The following CCPG1 variants were observed in gnomAD, a reference collection of about 807,000 sequenced individuals.
The protein encoded by CCPG1 is cell cycle progression protein 1.
Under a neutral mutation model 81.3 loss-of-function variants are expected in CCPG1, and 46 were observed. That is an observed-to-expected ratio of 0.57 (90% confidence interval 0.45 to 0.72). CCPG1 has a LOEUF of 0.72. Among genes scored for constraint, CCPG1 ranks in the 30% least tolerant of loss-of-function variants. The pLI is 0.00. For missense variants in CCPG1, 902 were observed against 937.6 expected (o/e 0.96, Z 0.50); for synonymous variants, 330 against 305.2 (o/e 1.08, Z -0.85).
intron 2 of CCPG1, among the ~76,000 whole-genome samples, chr15:55,388,858 C>A (rs2056856249): frequency 1.3e-5 from 2 of 151,468 alleles, no homozygotes. Context: ...ATCACGAGGT[C>A]AGGAGTTTAC....
At chr15:55,399,639 T>C (rs2057088926) in intron 1 of CCPG1, 1 of 151,936 alleles carries the variant, frequency 6.6e-6, no homozygotes, top group African/African-American at 2.4e-5. Context: ...TAAAAAAAGA[T>C]CCTTAAGAAG....
At chr15:55,397,274 C>T (rs901289954) in intron 1 of CCPG1, among the ~76,000 whole-genome samples, 1 of 150,804 alleles carries the variant, frequency 6.6e-6, no homozygotes, top group African/African-American at 2.4e-5. Context: ...GGCAAGGGGA[C>T]AGACTGAGTA....
chr15:55,361,118 G>GAA (rs148161688), intron 7 of CCPG1, among the ~76,000 whole-genome samples, 174 bp from the exon 8 acceptor site: 17,881 of 151,844 alleles, frequency 0.12, 1,591 homozygotes, highest in African/African-American at 0.24. Context: ...TCATATGCAA[G>GAA]AAAACGCAGA....
chr15:55,405,756 TC>T (rs200188211), intron 1 of CCPG1, among the ~76,000 whole-genome samples: 26,957 of 152,138 alleles, frequency 0.18, 4,119 homozygotes, highest in African/African-American at 0.42. Flanking sequence ...GTTATTTTCT[TC>T]GAGTCCAACT....
intron 3 of CCPG1, among the ~76,000 whole-genome samples, chr15:55,381,272 TAAAAATA>T (rs1185998353): frequency 1.6e-5 from 2 of 121,440 alleles, no homozygotes; most frequent in African/African-American, 5.5e-5. Context: ...CCGTCTCTAC[TAAAAATA>T]AAAAATAAAA....
intron 2 of CCPG1, among the ~76,000 whole-genome samples, chr15:55,386,821 G>C (rs141757478): frequency 6.6e-6 from 1 of 151,570 alleles, no homozygotes; most frequent in South Asian, 2.1e-4. Flanking sequence ...GGCGTGAACC[G>C]ATGGGGCGGA....
chr15:55,378,480 T>C (rs1478545228), intron 3 of CCPG1, 104 bp from the exon 4 acceptor site: 4 of 592,168 alleles, frequency 6.8e-6, no homozygotes, highest in Admixed American at 3.3e-5. Context: ...CTCTTCCTAA[T>C]ATGTTAGGAT....
rs2056072821 is a variant in CCPG1 at position 55,356,100 on chromosome 15, G to A, written c.*120C>T. The A allele has an allele frequency of 2.6e-6, 2 of 758,442 alleles. No homozygotes were observed. The highest frequency in any genetic ancestry group is 3.4e-5 in the Admixed American group (1 of 29,544). The allele number at this position is 758,442 out of a possible 1,614,324, so 47.0% of individuals were successfully genotyped here. Reference sequence around the variant, plus strand: ...AGGAATAATATAAAGTTATCAAACTGATACTTAGAAACAAAAGAAAAGACA... The same window carrying A: ...AGGAATAATATAAAGTTATCAAACTAATACTTAGAAACAAAAGAAAAGACA... On this transcript the variant is annotated 3_prime_UTR_variant, in exon 9 of 9. Transcript: ENST00000442196.
chr15:55,365,325 T>C lies in CCPG1; in HGVS notation c.707-16A>G. ...TGAATTGTGCCTAAAATAAATATTT[T>C]TATTAAAGGTATGTAACAAAAATAT... On this transcript the variant is annotated splice_polypyrimidine_tract_variant and intron_variant, in intron 6 of 8. Coordinates refer to ENST00000442196, the MANE Select transcript of CCPG1 (RefSeq NM_001204450.2). The C allele has an allele frequency of 6.9e-7, 1 of 1,449,746 alleles. No individual in the cohort carries two copies. The highest frequency in any genetic ancestry group is 9.5e-7 in the Non-Finnish European group (1 of 1,055,058). 89.8% of individuals were successfully genotyped at this position (1,449,746 alleles called of 1,614,324 possible). A position where few individuals can be genotyped will look rare whatever the true frequency, so the allele number is the denominator to read the frequency against.
Position 55,360,141 on chromosome 15 carries a change from A to AC in CCPG1, c.1631_1632insG (p.Phe544LeufsTer2). On this transcript the variant is annotated frameshift_variant, in exon 8 of 9. Coordinates refer to ENST00000442196, the MANE Select transcript of CCPG1 (RefSeq NM_001204450.2). LOFTEE classifies it high-confidence loss of function. ...CAAATCTTTTATTACCCTTTTCATC[A>AC]AAGATATTCTTGGTGGTATCTTTAA... 1 of 1,613,518 alleles carries AC rather than the reference A, an allele frequency of 6.2e-7. No homozygotes were observed. Among genetic ancestry groups the AC allele is most frequent in the Non-Finnish European group, 8.5e-7 (1 of 1,179,888 alleles).
intron 1 of CCPG1, 150 bp downstream of exon 1, chr15:55,408,071 T>G (rs1254601529): frequency 1.3e-5 from 2 of 152,432 alleles, no homozygotes; most frequent in Non-Finnish European, 2.9e-5. Context: ...GTGCGGCCGC[T>G]GACACCAGGC....
At chr15:55,384,639 G>T (rs1273762115) in intron 3 of CCPG1, among the ~76,000 whole-genome samples, 2 of 151,880 alleles carry the variant, frequency 1.3e-5, no homozygotes, top group African/African-American at 4.8e-5. Flanking sequence ...TGGGAAACAA[G>T]AGCGAAACTC....
At position 55,401,742 on chromosome 15, in the gene CCPG1, T is replaced by C. The variant is rs141277816; in HGVS notation, c.-10+6479A>G. Among the ~76,000 whole-genome samples the C allele has an allele frequency of 1.8e-4, 28 of 152,096 alleles. 1 individual carries two copies. Among genetic ancestry groups the C allele is most frequent in the Middle Eastern group, 3.4e-3 (1 of 290 alleles). On this transcript the variant is annotated intron_variant, in intron 1 of 8. Transcript: ENST00000442196. ...AGAGACTGCAGGTTACATACACTTA[T>C]ACCCAGTGCTAAAATATTTTTCTTC...
At chr15:55,356,759 A>G in intron 8 of CCPG1, 1 of 1,017,942 alleles carries the variant, frequency 9.8e-7, no homozygotes, top group Non-Finnish European at 1.2e-6. Flanking sequence ...CTCAGCAGAA[A>G]TACATACACA....
At position 55,355,339 on chromosome 15, in the gene CCPG1, C is replaced by G; in HGVS notation, c.*881G>C. The G allele has an allele frequency of 6.2e-7, 1 of 1,611,140 alleles. No homozygotes were observed. ...ATTATAAAAGAACTGCTGTTTTCTTCCACACTCACTTGCCAGAGGGTCGAA... is the reference window on the plus strand; with the variant it reads ...ATTATAAAAGAACTGCTGTTTTCTTGCACACTCACTTGCCAGAGGGTCGAA... On this transcript the variant is annotated 3_prime_UTR_variant, in exon 9 of 9. Transcript: ENST00000442196.
chr15:55,407,049 G>GCCC (rs2057246218), intron 1 of CCPG1, among the ~76,000 whole-genome samples: 1 of 118,436 alleles, frequency 8.4e-6, no homozygotes, highest in African/African-American at 4.2e-5. Context: ...CCCCCCCCCC[G>GCCC]CCCCGCCGTC....
rs199970646 is a variant in CCPG1, at chr15:55,397,227, CA to C, written c.-9-7795del. On this transcript the variant is annotated intron_variant, in intron 1 of 8. Coordinates refer to ENST00000442196, the MANE Select transcript of CCPG1 (RefSeq NM_001204450.2). ...AGACTCCGTCTCAAAAAAAAACAAACAAAAAAAAAAACCCACAAGATAATAA... is the reference window on the plus strand; with the variant it reads ...AGACTCCGTCTCAAAAAAAAACAAACAAAAAAAAAACCCACAAGATAATAA... 7.9e-4 allele frequency among the ~76,000 whole-genome samples: 115 copies of C among 146,028 alleles called. 1 individual carries two copies. Among genetic ancestry groups the C allele is most frequent in the African/African-American group, 1.8e-3 (71 of 40,070 alleles).
At position 55,384,642 on chromosome 15, in the gene CCPG1, C is replaced by T. The variant is rs1287589388; in HGVS notation, c.175+958G>A. Among the ~76,000 whole-genome samples, 3 of 151,500 alleles carry T rather than the reference C, an allele frequency of 2.0e-5. No individual in the cohort carries two copies. In the South Asian group the frequency reaches 6.3e-4, roughly 32 times the overall value. On this transcript the variant is annotated intron_variant, in intron 3 of 8. Coordinates refer to ENST00000442196, the MANE Select transcript of CCPG1 (RefSeq NM_001204450.2). ...TGCACTCCAGCATGGGAAACAAGAG[C>T]GAAACTCCGCCAATTCAATTCAATA... is the stretch of plus-strand genomic sequence containing the variant.
Position 55,359,912 on chromosome 15 carries a change from T to C in CCPG1, c.1861A>G (p.Asn621Asp). The C allele has an allele frequency of 6.2e-7, 1 of 1,613,778 alleles. No homozygotes were observed. Among genetic ancestry groups the C allele is most frequent in the Non-Finnish European group, 8.5e-7 (1 of 1,179,980 alleles). Residue 621 changes from asparagine (N) to aspartate (D), a missense_variant, in exon 8 of 9, where the codon AAT becomes GAT. Coordinates refer to ENST00000442196, the MANE Select transcript of CCPG1 (RefSeq NM_001204450.2). ...KCSPGHDCRE[N>D]SHSFRKACSG... ...CAAGCCTTTCTGAAAGAATGAGAAT[T>C]TTCTCTACAATCATGCCCAGGACTG...
Sources: allele counts gnomAD v4.1 joint callset (sites outside exome capture counted in the v4.1 genomes callset), GRCh38; gene constraint gnomAD v4.1.1; transcripts MANE v1.5; gene names NCBI Gene and HGNC (gene_info 2026-07-23, HGNC 2026-07-21).